Variants in SMYD1 observed in about 807,000 individuals in gnomAD.
The protein encoded by SMYD1 is SET and MYND domain containing 1.
SMYD1 carries 49 observed loss-of-function variants against 54.0 expected under a neutral mutation model. The ratio of observed to expected loss-of-function variants is 0.91; its 90% CI spans 0.72 to 1.15. The LOEUF (loss-of-function observed/expected upper bound fraction) is 1.15, where lower values mean the gene tolerates loss of function less well. SMYD1 is among the 50% of genes most tolerant of loss of function. SMYD1 has a pLI of 0.00. For missense variants in SMYD1, 653 were observed against 639.6 expected, an observed-to-expected ratio of 1.02 and a Z score of -0.23; for synonymous variants, 269 against 234.2, an observed-to-expected ratio of 1.15 and a Z score of -1.36.
intron 1 of SMYD1, among the ~76,000 whole-genome samples, chr2:88,081,608 G>A (rs945436159): frequency 7.9e-5 from 12 of 151,854 alleles, no homozygotes; most frequent in African/African-American, 2.9e-4. Flanking sequence ...ACTAATTTCT[G>A]TATTTTTAGT....
Position 88,095,216 on chromosome 2 carries a change from G to A in SMYD1, c.699-1379G>A, listed in dbSNP as rs1674553481. Among the ~76,000 whole-genome samples the A allele has an allele frequency of 2.0e-5, 3 of 152,150 alleles. No individual in the cohort carries two copies. In the South Asian group the frequency reaches 6.2e-4, roughly 31 times the overall value. On this transcript the variant is annotated intron_variant, in intron 5 of 9. Transcript: ENST00000419482. The stretch of plus-strand genomic sequence containing the variant: ...ATCACCCGGCCTTCCTCTCCTACTG[G>A]CCATTCATCACTATAGTAACCGCTG...
chr2:88,086,535 G>C (rs1415017730), intron 2 of SMYD1, among the ~76,000 whole-genome samples: 1 of 152,034 alleles, frequency 6.6e-6, no homozygotes, highest in Non-Finnish European at 1.5e-5. Context: ...GTCCCACCTG[G>C]CCTCCTCCTC....
At chr2:88,088,317 C>T (rs1674387201) in intron 3 of SMYD1, among the ~76,000 whole-genome samples, 1 of 152,192 alleles carries the variant, frequency 6.6e-6, no homozygotes, top group African/African-American at 2.4e-5. Context: ...CATTTCTGAG[C>T]CCAGGGACAG....
intron 6 of SMYD1, among the ~76,000 whole-genome samples, chr2:88,101,312 A>G (rs145879418): frequency 6.6e-6 from 1 of 152,380 alleles, no homozygotes; most frequent in African/African-American, 2.4e-5. Context: ...TTGGACAACC[A>G]GAGAACTGGT....
chr2:88,071,223 C>T lies in SMYD1; in HGVS notation c.137+3222C>T, dbSNP rs541249988. Among the ~76,000 whole-genome samples the T allele has an allele frequency of 2.0e-4, 30 of 152,246 alleles. No homozygotes were observed. In the South Asian group the frequency reaches 3.5e-3, roughly 18 times the overall value. Reference sequence around the variant, plus strand: ...GCTATGAACATTTTTGCTCCTATCTCTTGGAAAGCAGATACATGAGGTGTG... The same window carrying T: ...GCTATGAACATTTTTGCTCCTATCTTTTGGAAAGCAGATACATGAGGTGTG... On this transcript the variant is annotated intron_variant, in intron 1 of 9. Transcript: ENST00000419482.
chr2:88,074,450 T>C (rs1387058111), intron 1 of SMYD1, among the ~76,000 whole-genome samples: 1 of 152,240 alleles, frequency 6.6e-6, no homozygotes, highest in Non-Finnish European at 1.5e-5. Flanking sequence ...TTTGGGATAC[T>C]GTCCTTGTCT....
At chr2:88,068,553 C>T (rs572046657) in intron 1 of SMYD1, among the ~76,000 whole-genome samples, 1 of 151,560 alleles carries the variant, frequency 6.6e-6, no homozygotes, top group African/African-American at 2.4e-5. Context: ...TAGAATGTTC[C>T]TGTGCTATTA....
At chr2:88,109,819 G>A (rs190732725) in intron 9 of SMYD1, among the ~76,000 whole-genome samples, 4 of 152,276 alleles carry the variant, frequency 2.6e-5, no homozygotes, top group African/African-American at 9.6e-5. Context: ...GCCTGTCAAA[G>A]GCAGAGCCTT....
chr2:88,096,774 A>T lies in SMYD1; in HGVS notation c.878A>T (p.Asp293Val). Residue 293 changes from aspartate (D) to valine (V), a missense_variant, in exon 6 of 10, where the codon GAC (aspartate) becomes GTC (valine). Asp to Val is a radical substitution (Grantham distance 152, BLOSUM62 -3). Coordinates refer to ENST00000419482, the MANE Select transcript of SMYD1 (RefSeq NM_198274.4). The part of the protein sequence containing the change: ...LKDDLFLGVK[D>V]NPKPSQEVVK... ...GATGACCTCTTCCTGGGGGTGAAAG[A>T]CAACCCCAAGGTACACACAGCCCTG... 1 of 1,613,346 alleles carries T rather than the reference A, an allele frequency of 6.2e-7. No homozygotes were observed. Among genetic ancestry groups the T allele is most frequent in the Non-Finnish European group, 8.5e-7 (1 of 1,179,638 alleles).
intron 1 of SMYD1, among the ~76,000 whole-genome samples, chr2:88,072,442 C>T (rs908669160): frequency 5.3e-5 from 8 of 152,198 alleles, no homozygotes; most frequent in Non-Finnish European, 1.0e-4. Context: ...TGAGCCACTG[C>T]GCCTGGCAGA....
chr2:88,070,585 C>A (rs982565735), intron 1 of SMYD1, among the ~76,000 whole-genome samples: 1 of 152,050 alleles, frequency 6.6e-6, no homozygotes, highest in Non-Finnish European at 1.5e-5. Context: ...CTTCTCTATC[C>A]TGTTGCATGC....
rs750305409 is a variant in SMYD1, at chr2:88,103,053, C to T, written c.889-5C>T. On this transcript the variant is annotated splice_polypyrimidine_tract_variant and splice_region_variant and intron_variant, in intron 6 of 9. Coordinates refer to ENST00000419482, the MANE Select transcript of SMYD1 (RefSeq NM_198274.4). ...TCTCTAGCTCAATGTGTCTCTCTTT[C>T]CCAGCCCTCTCAGGAAGTGGTGAAG... is the stretch of plus-strand genomic sequence containing the variant. 9 of 1,613,796 alleles carry T rather than the reference C, an allele frequency of 5.6e-6. No homozygotes were observed. The highest frequency in any genetic ancestry group is 7.6e-6 in the Non-Finnish European group (9 of 1,179,764).
Position 88,086,546 on chromosome 2 carries a change from T to G in SMYD1, c.315-1316T>G, listed in dbSNP as rs530598152. On this transcript the variant is annotated intron_variant, in intron 2 of 9. Coordinates refer to ENST00000419482, the MANE Select transcript of SMYD1 (RefSeq NM_198274.4). ...TCCTGTCCCACCTGGCCTCCTCCTC[T>G]TCCCCCAGAGCCCCGCTCCGGCCAG... is the stretch of plus-strand genomic sequence containing the variant. Among the ~76,000 whole-genome samples the G allele has an allele frequency of 3.9e-5, 6 of 152,258 alleles. No individual in the cohort carries two copies. In the South Asian group the frequency reaches 6.2e-4, roughly 16 times the overall value.
intron 4 of SMYD1, 89 bp downstream of exon 4, chr2:88,091,231 G>A: frequency 7.1e-7 from 1 of 1,403,242 alleles, no homozygotes. Flanking sequence ...AAGTCAACCT[G>A]CTAAACCTGA....
At chr2:88,070,062 A>G (rs1225440731) in intron 1 of SMYD1, among the ~76,000 whole-genome samples, 1 of 152,236 alleles carries the variant, frequency 6.6e-6, no homozygotes, top group East Asian at 1.9e-4. Context: ...TGGTAATAAA[A>G]GTGGGATAAT....
In SMYD1 at chr2:88,091,656, G is replaced by A. The variant is rs546336431; in HGVS notation, c.659+514G>A. 3.9e-5 allele frequency among the ~76,000 whole-genome samples: 6 copies of A among 152,108 alleles called. No individual in the cohort carries two copies. The East Asian group carries it at 1.2e-3, about 29-fold the overall frequency. ...GAGGTCAGGAGTTTGAGATCAGCGTGGACAACACAGTGATACCCCCGTATC... is the reference window on the plus strand; with the variant it reads ...GAGGTCAGGAGTTTGAGATCAGCGTAGACAACACAGTGATACCCCCGTATC... On this transcript the variant is annotated intron_variant, in intron 4 of 9. Coordinates refer to ENST00000419482, the MANE Select transcript of SMYD1 (RefSeq NM_198274.4).
intron 7 of SMYD1, among the ~76,000 whole-genome samples, chr2:88,104,261 T>C (rs183616864): frequency 1.6e-4 from 25 of 152,294 alleles, no homozygotes; most frequent in South Asian, 1.0e-3. Flanking sequence ...CCACTGCGCC[T>C]GGCCTCATTT....
chr2:88,097,528 A>C (rs1406069751), intron 6 of SMYD1, among the ~76,000 whole-genome samples: 2 of 152,204 alleles, frequency 1.3e-5, no homozygotes, highest in African/African-American at 4.8e-5. Context: ...TCCTCCAGTG[A>C]AGCTGTGCTC....
intron 6 of SMYD1, among the ~76,000 whole-genome samples, chr2:88,099,328 C>T (rs533149533): frequency 1.3e-5 from 2 of 152,070 alleles, no homozygotes; most frequent in Non-Finnish European, 2.9e-5. Context: ...TCAAGTGATC[C>T]GCCCGCCTCA....
Sources: gnomAD v4.1 joint callset for allele counts (sites outside exome capture counted in the v4.1 genomes callset) on GRCh38, gnomAD v4.1.1 for gene constraint, MANE v1.5 for transcripts, NCBI Gene and HGNC (gene_info 2026-07-23, HGNC 2026-07-21) for gene names.